The following RBFOX1 variants were observed in gnomAD, a reference collection of about 807,000 sequenced individuals.
RBFOX1 encodes RNA binding fox-1 homolog 1, also known as RNA binding protein fox-1 homolog 1.
A neutral mutation model predicts 57.7 loss-of-function variants in RBFOX1; 8 were observed. That is an observed-to-expected ratio of 0.14 (90% CI 0.08 to 0.25). RBFOX1 has a LOEUF of 0.25. Among genes scored for constraint, RBFOX1 ranks in the 10% least tolerant of loss-of-function variants. The pLI is 1.00. For synonymous variants in RBFOX1, 326 were observed against 222.4 expected (o/e 1.47, Z -4.15); for missense variants, 611 against 548.5 (o/e 1.11, Z -1.14).
At chr16:6,005,675 G>C (rs1162989306) in intron 4 of RBFOX1, among the ~76,000 whole-genome samples, 1 of 152,194 alleles carries the variant, frequency 6.6e-6, no homozygotes, top group African/African-American at 2.4e-5. Flanking sequence ...AATGTCTCTA[G>C]ACATTGCCAA....
chr16:6,757,668 G>T (rs772271371), intron 3 of RBFOX1, among the ~76,000 whole-genome samples: 49 of 152,228 alleles, frequency 3.2e-4, no homozygotes, highest in Non-Finnish European at 5.0e-4. Flanking sequence ...GTGGGATGAG[G>T]GGAGGCTGAT....
At chr16:5,564,794 AACCCAGTTTTCAC>A (rs2046007850) in intron 2 of RBFOX1, among the ~76,000 whole-genome samples, 1 of 152,158 alleles carries the variant, frequency 6.6e-6, no homozygotes, top group African/African-American at 2.4e-5. Context: ...CTAGAAGAAC[AACCCAGTTTTCAC>A]GGTTCTCCAG....
At chr16:6,852,149 A>G (rs2094106837) in intron 3 of RBFOX1, among the ~76,000 whole-genome samples, 1 of 152,004 alleles carries the variant, frequency 6.6e-6, no homozygotes, top group East Asian at 1.9e-4. Context: ...TGGTGATCTG[A>G]TGTCTGAAAT....
chr16:7,264,017 C>G (rs1365403120), intron 4 of RBFOX1, among the ~76,000 whole-genome samples: 1 of 151,806 alleles, frequency 6.6e-6, no homozygotes, highest in Non-Finnish European at 1.5e-5. Flanking sequence ...CATCTTCAGC[C>G]CCATCAAACC....
At chr16:6,657,408 G>A (rs2098666783) in intron 3 of RBFOX1, among the ~76,000 whole-genome samples, 1 of 152,022 alleles carries the variant, frequency 6.6e-6, no homozygotes, top group Non-Finnish European at 1.5e-5. Context: ...GATCCCTGAG[G>A]GACGGCGTGC....
At chr16:6,375,212 C>A (rs1466262443) in intron 2 of RBFOX1, among the ~76,000 whole-genome samples, 3 of 152,018 alleles carry the variant, frequency 2.0e-5, no homozygotes, top group Admixed American at 2.0e-4. Context: ...CTGTGAACTT[C>A]ATGGGTGGCT....
chr16:6,210,375 A>AG (rs1444173011), intron 1 of RBFOX1, among the ~76,000 whole-genome samples: 17 of 142,234 alleles, frequency 1.2e-4, no homozygotes, highest in East Asian at 4.1e-4. Context: ...AAAAAAAAAA[A>AG]AAAGAGAAAG....
intron 10 of RBFOX1, among the ~76,000 whole-genome samples, chr16:7,628,773 C>T (rs1226632338): frequency 6.6e-6 from 1 of 152,058 alleles, no homozygotes; most frequent in East Asian, 1.9e-4. Context: ...CCACCACACC[C>T]AGCTAATTTT....
chr16:6,681,573 T>G (rs578023515), intron 3 of RBFOX1, among the ~76,000 whole-genome samples: 1 of 152,118 alleles, frequency 6.6e-6, no homozygotes, highest in South Asian at 2.1e-4. Context: ...AAAGTAACAA[T>G]TTGTTGTTAA....
chr16:7,454,884 G>T (rs1230722542), intron 4 of RBFOX1, among the ~76,000 whole-genome samples: 3 of 152,188 alleles, frequency 2.0e-5, no homozygotes, highest in Non-Finnish European at 4.4e-5. Context: ...GTTAAAGAGT[G>T]ATTATCACAG....
intron 4 of RBFOX1, among the ~76,000 whole-genome samples, chr16:7,404,818 C>T (rs774853398): frequency 2.8e-4 from 42 of 152,138 alleles, no homozygotes; most frequent in African/African-American, 9.2e-4. Flanking sequence ...TTTTCACTGA[C>T]GCAGAAACAG....
At chr16:5,743,911 C>G (rs147914970) in intron 3 of RBFOX1, among the ~76,000 whole-genome samples, 22 of 152,274 alleles carry the variant, frequency 1.4e-4, no homozygotes, top group Middle Eastern at 3.4e-3. Context: ...CGGAAGGTCT[C>G]AAGAACTTAT....
chr16:6,976,758 A>G (rs991341776), intron 3 of RBFOX1, among the ~76,000 whole-genome samples: 17 of 128,946 alleles, frequency 1.3e-4, no homozygotes, highest in African/African-American at 4.6e-4. Context: ...CATGTCATAC[A>G]TATATATCGT....
At chr16:6,591,846 G>A (rs529004469) in intron 2 of RBFOX1, among the ~76,000 whole-genome samples, 1 of 151,994 alleles carries the variant, frequency 6.6e-6, no homozygotes, top group Admixed American at 6.5e-5. Flanking sequence ...TTTACATGAA[G>A]GAACCCTTTT....
chr16:5,366,001 CA>C, intron 1 of RBFOX1: 1 of 499,698 alleles, frequency 2.0e-6, no homozygotes, highest in South Asian at 1.5e-5. Context: ...AATTAGAAGG[CA>C]GTCCAATTAA....
intron 4 of RBFOX1, among the ~76,000 whole-genome samples, chr16:7,389,556 C>G (rs1027048672): frequency 3.9e-5 from 6 of 152,140 alleles, no homozygotes; most frequent in Non-Finnish European, 8.8e-5. Context: ...CTGGAAGATC[C>G]TTACAGAATG....
intron 4 of RBFOX1, among the ~76,000 whole-genome samples, chr16:7,276,365 G>A (rs2095440216): frequency 6.6e-6 from 1 of 152,132 alleles, no homozygotes; most frequent in Non-Finnish European, 1.5e-5. Flanking sequence ...TGTGTCTTAG[G>A]ACAGATGTCC....
intron 2 of RBFOX1, among the ~76,000 whole-genome samples, chr16:6,469,857 C>A (rs2095134864): frequency 6.6e-6 from 1 of 152,142 alleles, no homozygotes; most frequent in Non-Finnish European, 1.5e-5. Context: ...CCCTTCAAGA[C>A]CTATAGGGCA....
chr16:7,415,705 C>T (rs754035642), intron 4 of RBFOX1, among the ~76,000 whole-genome samples: 8 of 152,110 alleles, frequency 5.3e-5, no homozygotes, highest in Non-Finnish European at 1.2e-4. Flanking sequence ...TCCAAGAAGG[C>T]AAGAAAAGGG....
Sources: gnomAD v4.1 joint callset for allele counts (sites outside exome capture counted in the v4.1 genomes callset) on GRCh38, gnomAD v4.1.1 for gene constraint, MANE v1.5 for transcripts, NCBI Gene and HGNC (gene_info 2026-07-23, HGNC 2026-07-21) for gene names.